STARD13: variants seen among roughly 807,000 people sequenced by gnomAD.
The protein encoded by STARD13 is StAR related lipid transfer domain containing 13, also known as stAR-related lipid transfer protein 13.
In STARD13, 62 loss-of-function variants were observed where a neutral mutation model predicts 106.4. The ratio of observed to expected loss-of-function variants is 0.58; its 90% CI spans 0.48 to 0.72. STARD13 has a LOEUF of 0.72. Ranked by LOEUF, STARD13 falls within the 30% of genes least tolerant of loss-of-function variation. The pLI is 0.00. For missense variants in STARD13, 1,387 were observed against 1,424.0 expected, an observed-to-expected ratio of 0.97 and a Z score of 0.42; for synonymous variants, 565 against 553.0, an observed-to-expected ratio of 1.02 and a Z score of -0.31.
chr13:33,311,931 G>A (rs1311683279), intron 1 of STARD13, among the ~76,000 whole-genome samples: 1 of 152,196 alleles, frequency 6.6e-6, no homozygotes, highest in African/African-American at 2.4e-5. Flanking sequence ...CAGAGAGGTA[G>A]GGAAAGTGTA....
the STARD13 span, among the ~76,000 whole-genome samples, chr13:33,675,078 C>T: frequency 4.2e-3 from 645 of 152,298 alleles, 4 homozygotes; most frequent in Non-Finnish European, 6.9e-3. Flanking sequence ...TCCTTAGGAA[C>T]CTTCACCTTT....
the STARD13 span, among the ~76,000 whole-genome samples, chr13:33,515,957 A>G: frequency 2.0e-5 from 3 of 152,030 alleles, no homozygotes; most frequent in Non-Finnish European, 4.4e-5. Context: ...GATGGATTTT[A>G]TCTGATAGCT....
intron 1 of STARD13, among the ~76,000 whole-genome samples, chr13:33,189,931 A>C (rs975366420): frequency 6.6e-6 from 1 of 152,092 alleles, no homozygotes; most frequent in African/African-American, 2.4e-5. Flanking sequence ...TATTGTAAAA[A>C]TGATGATCCC....
the STARD13 span, among the ~76,000 whole-genome samples, chr13:33,675,735 T>C: frequency 6.6e-6 from 1 of 152,150 alleles, no homozygotes; most frequent in African/African-American, 2.4e-5. Context: ...TGGACAAAGA[T>C]TTAAGAAAAT....
the STARD13 span, among the ~76,000 whole-genome samples, chr13:33,414,047 A>AAAAAAAAAAG: frequency 0.02 from 2,832 of 143,246 alleles, 120 homozygotes; most frequent in East Asian, 0.14. Flanking sequence ...AAAAAAAAAA[A>AAAAAAAAAAG]AAAGAAAAGA....
chr13:33,675,972 G>C, the STARD13 span, among the ~76,000 whole-genome samples: 1 of 152,160 alleles, frequency 6.6e-6, no homozygotes, highest in East Asian at 1.9e-4. Context: ...AGGAAGATCG[G>C]ATTTTGTTAA....
chr13:33,386,567 G>T, the STARD13 span, among the ~76,000 whole-genome samples: 1 of 152,050 alleles, frequency 6.6e-6, no homozygotes, highest in Non-Finnish European at 1.5e-5. Context: ...CCTCTGGGGG[G>T]GTCGACGTGC....
chr13:33,370,615 C>A, the STARD13 span, among the ~76,000 whole-genome samples: 1 of 143,392 alleles, frequency 7.0e-6, no homozygotes. Context: ...TTCTTTCTTT[C>A]TTTCTTTTTT....
chr13:33,258,057 T>C (rs1434240801), intron 1 of STARD13, among the ~76,000 whole-genome samples: 1 of 152,256 alleles, frequency 6.6e-6, no homozygotes, highest in African/African-American at 2.4e-5. Context: ...ATGAATGTGA[T>C]AAGGCTCTGA....
chr13:33,412,651 T>A, the STARD13 span, among the ~76,000 whole-genome samples: 1 of 151,872 alleles, frequency 6.6e-6, no homozygotes, highest in African/African-American at 2.4e-5. Context: ...CAAACATTAA[T>A]TGAAAGAAAA....
chr13:33,221,291 A>G (rs7321777), intron 1 of STARD13, among the ~76,000 whole-genome samples: 28,673 of 152,092 alleles, frequency 0.19, 3,045 homozygotes, highest in Admixed American at 0.33. Flanking sequence ...TTCTGTCTCT[A>G]TAAGTTTGAC....
the STARD13 span, chr13:33,654,754 T>C: frequency 6.6e-6 from 1 of 152,266 alleles, no homozygotes; most frequent in Non-Finnish European, 1.5e-5. Context: ...TTCCTGATTT[T>C]ACCTTGGTTA....
At chr13:33,457,683 C>T in the STARD13 span, among the ~76,000 whole-genome samples, 1 of 152,160 alleles carries the variant, frequency 6.6e-6, no homozygotes, top group Non-Finnish European at 1.5e-5. Flanking sequence ...CTGCTGAGTG[C>T]CCATTTCCCG....
the STARD13 span, among the ~76,000 whole-genome samples, chr13:33,432,981 C>T: frequency 2.0e-5 from 3 of 152,242 alleles, no homozygotes; most frequent in East Asian, 5.8e-4. Context: ...TTTTAAACCT[C>T]AGACAGATAA....
the STARD13 span, among the ~76,000 whole-genome samples, chr13:33,495,997 AATT>A: frequency 1.4e-5 from 2 of 141,702 alleles, no homozygotes; most frequent in Non-Finnish European, 3.0e-5. Context: ...AGTGAATATA[AATT>A]ATTATAATTA....
chr13:33,264,065 C>T (rs1223162549), intron 1 of STARD13, among the ~76,000 whole-genome samples: 1 of 152,168 alleles, frequency 6.6e-6, no homozygotes, highest in African/African-American at 2.4e-5. Flanking sequence ...CACATGGACA[C>T]ATGTAGATGC....
intron 1 of STARD13, among the ~76,000 whole-genome samples, chr13:33,254,195 G>A (rs542606246): frequency 4.6e-5 from 7 of 152,298 alleles, no homozygotes; most frequent in Non-Finnish European, 8.8e-5. Flanking sequence ...AGCGGACTGA[G>A]GTCAGAGGCA....
chr13:33,378,176 A>G, the STARD13 span, among the ~76,000 whole-genome samples: 1 of 152,058 alleles, frequency 6.6e-6, no homozygotes, highest in African/African-American at 2.4e-5. Context: ...TAAACTTAAA[A>G]CTGGCAAAGC....
intron 1 of STARD13, among the ~76,000 whole-genome samples, chr13:33,279,122 A>C (rs756741362): frequency 9.9e-5 from 15 of 152,154 alleles, no homozygotes; most frequent in Non-Finnish European, 1.9e-4. Context: ...ATAGCTAATG[A>C]AACACAGAGA....
Sources: allele counts gnomAD v4.1 joint callset (sites outside exome capture counted in the v4.1 genomes callset), GRCh38; gene constraint gnomAD v4.1.1; transcripts MANE v1.5; gene names NCBI Gene and HGNC (gene_info 2026-07-23, HGNC 2026-07-21).